The following FAM83G variants were observed in gnomAD, a reference collection of about 807,000 sequenced individuals.
The protein encoded by FAM83G is scaffolding CK1 anchoring protein G.
In FAM83G, 38 loss-of-function variants were observed where a neutral mutation model predicts 61.5. The observed-to-expected ratio is 0.62, with a 90% CI of 0.48 to 0.81. The LOEUF is 0.81. FAM83G is among the 30% of genes least tolerant of loss of function. The probability of loss-of-function intolerance (pLI) is 0.00; values close to 1 mark genes in which losing one functional copy is unlikely to be tolerated. For missense variants in FAM83G, 989 were observed against 1,133.6 expected, an observed-to-expected ratio of 0.87 and a Z score of 1.83; for synonymous variants, 470 against 476.1, an observed-to-expected ratio of 0.99 and a Z score of 0.17.
At chr17:18,994,212 C>T (rs1320378953) in intron 2 of FAM83G, among the ~76,000 whole-genome samples, 5 of 152,184 alleles carry the variant, frequency 3.3e-5, no homozygotes, top group Non-Finnish European at 7.3e-5. Flanking sequence ...AATAAAAAAC[C>T]CGGATAAAAT....
intron 5 of FAM83G, chr17:18,976,579 G>A (rs2152007159): frequency 2.4e-6 from 1 of 421,294 alleles, no homozygotes; most frequent in Non-Finnish European, 4.3e-6. Flanking sequence ...GGGGTGGTGG[G>A]CTGGGCAGGA....
rs2043584645 is a variant in FAM83G, at chr17:18,996,933, G to C, written c.522+6587C>G. Among the ~76,000 whole-genome samples, 1 of 152,214 alleles carries C rather than the reference G, an allele frequency of 6.6e-6. No individual in the cohort carries two copies. Among genetic ancestry groups the C allele is most frequent in the Non-Finnish European group, 1.5e-5 (1 of 68,032 alleles). The stretch of plus-strand genomic sequence containing the variant: ...TCCCTGGCTCTGCCATGCCTTCCCT[G>C]GGTGGCCCATGGCGGGTCACTTCCC... On this transcript the variant is annotated intron_variant, in intron 2 of 5. Transcript: ENST00000388995. The surrounding 1 kb of genome is among the most constrained non-coding windows in gnomAD (Gnocchi z 4.4).
intron 2 of FAM83G, among the ~76,000 whole-genome samples, chr17:18,990,647 C>T (rs1286803699): frequency 6.6e-6 from 1 of 152,234 alleles, no homozygotes; most frequent in African/African-American, 2.4e-5. Context: ...GGACCATCTG[C>T]TGTCAGGTTG....
At chr17:18,993,316 A>G (rs953049159) in intron 2 of FAM83G, among the ~76,000 whole-genome samples, 13 of 152,202 alleles carry the variant, frequency 8.5e-5, no homozygotes, top group African/African-American at 2.2e-4. Context: ...ACTCCAGTGC[A>G]GCCCCAGCCT....
At chr17:18,999,486 T>A (rs1040531078) in intron 2 of FAM83G, among the ~76,000 whole-genome samples, 4 of 152,108 alleles carry the variant, frequency 2.6e-5, no homozygotes, top group Non-Finnish European at 2.9e-5. Flanking sequence ...GGCCAGTTAT[T>A]TGCCATCTCC....
chr17:18,992,822 C>T (rs1042855158), intron 2 of FAM83G, among the ~76,000 whole-genome samples: 1 of 152,056 alleles, frequency 6.6e-6, no homozygotes, highest in African/African-American at 2.4e-5. Flanking sequence ...CCTGTCTGGG[C>T]GGCTAACACA....
rs770355239 is a variant in FAM83G, at chr17:18,976,970, C to A, written c.2082+614G>T. The A allele has an allele frequency of 4.3e-6, 7 of 1,612,790 alleles. No individual in the cohort carries two copies. In the East Asian group the frequency reaches 8.9e-5, roughly 21 times the overall value. On this transcript the variant is annotated intron_variant, in intron 5 of 5. Coordinates refer to ENST00000388995, the MANE Select transcript of FAM83G (RefSeq NM_001039999.3). ...GCCTGATCATCATGCCGGGCATGAT[C>A]AGCCGCGCATTGTTCCCAGGTAGGA...
At chr17:18,991,997 G>A (rs1043447040) in intron 2 of FAM83G, among the ~76,000 whole-genome samples, 1 of 152,164 alleles carries the variant, frequency 6.6e-6, no homozygotes, top group East Asian at 1.9e-4. Flanking sequence ...CTGCACTGGA[G>A]GGAAACACCA....
rs1567783684 is a variant in FAM83G at position 18,969,524 on chromosome 17, T to G, written c.*1835A>C. ...TGCAGGATTCATGCCGTTGGGGTTC[T>G]GGGTAGCATCGCTGGGAGTGGGTGG... On this transcript the variant is annotated 3_prime_UTR_variant, in exon 6 of 6. Transcript: ENST00000388995. The G allele has an allele frequency of 8.7e-7, 1 of 1,145,020 alleles. No homozygotes were observed. 70.9% of individuals were successfully genotyped at this position (1,145,020 alleles called of 1,614,324 possible).
At chr17:18,973,354 A>G (rs1232762562) in intron 5 of FAM83G, among the ~76,000 whole-genome samples, 1 of 152,236 alleles carries the variant, frequency 6.6e-6, no homozygotes, top group East Asian at 1.9e-4. Flanking sequence ...AAGGAGCCCG[A>G]GGCCCAGAGA....
chr17:18,984,830 C>T (rs2043229140), intron 3 of FAM83G, among the ~76,000 whole-genome samples: 1 of 152,236 alleles, frequency 6.6e-6, no homozygotes, highest in Non-Finnish European at 1.5e-5. Flanking sequence ...CTTCCCAAGG[C>T]CTGCTCCCTA....
At chr17:18,979,775 T>C in intron 3 of FAM83G, 102 bp from the exon 4 acceptor site, 1 of 1,346,730 alleles carries the variant, frequency 7.4e-7, no homozygotes, top group South Asian at 1.2e-5. Context: ...GACTCTGGAG[T>C]AGTCAGGAGG....
At position 18,978,833 on chromosome 17, in the gene FAM83G, G is replaced by A. The variant is rs1203196467; in HGVS notation, c.833C>T (p.Ala278Val). ...AGAGATCACATTCCGGTCCGTCCGC[G>A]CGGCCGACCACGTGAAGCTGCAACA... Reference protein sequence around the residue: ...CGSYSFTWSAARTDRNVISVL... With the variant: ...CGSYSFTWSAVRTDRNVISVL... Residue 278 changes from alanine to valine, a missense_variant, in exon 5 of 6, where the codon GCG (alanine) becomes GTG (valine). By Grantham distance (64) the Ala-to-Val change is moderately conservative. Coordinates refer to ENST00000388995, the MANE Select transcript of FAM83G (RefSeq NM_001039999.3). 9.3e-6 allele frequency: 15 copies of A among 1,611,958 alleles called. No individual in the cohort carries two copies. Among genetic ancestry groups the A allele is most frequent in the East Asian group, 2.2e-5 (1 of 44,860 alleles).
rs180965985 is a variant in FAM83G, at chr17:18,969,514, G to A, written c.*1845C>T. ...CCCGGCACTGTGCAGGATTCATGCC[G>A]TTGGGGTTCTGGGTAGCATCGCTGG... On this transcript the variant is annotated 3_prime_UTR_variant, in exon 6 of 6. Coordinates refer to ENST00000388995, the MANE Select transcript of FAM83G (RefSeq NM_001039999.3). 6.0e-5 allele frequency: 75 copies of A among 1,249,842 alleles called. No individual in the cohort carries two copies. The highest frequency in any genetic ancestry group is 4.9e-4 in the African/African-American group (33 of 67,554). The allele number at this position is 1,249,842 out of a possible 1,614,324, so 77.4% of individuals were successfully genotyped here. A position where few individuals can be genotyped will look rare whatever the true frequency, so the allele number is the denominator to read the frequency against.
At chr17:18,976,150 T>G (rs2042971821) in intron 5 of FAM83G, 1 of 130,872 alleles carries the variant, frequency 7.6e-6, no homozygotes, top group African/African-American at 2.9e-5. Flanking sequence ...ATCGCACCAC[T>G]GCACTCCAGC....
Position 18,969,580 on chromosome 17 carries a change from C to T in FAM83G, c.*1779G>A. On this transcript the variant is annotated 3_prime_UTR_variant, in exon 6 of 6. Transcript: ENST00000388995. ...GGAGGTTGAGCCACTAGGCAGTCAGCCCCCCTGCTGGCCCCTCAGGGACTG... is the reference window on the plus strand; with the variant it reads ...GGAGGTTGAGCCACTAGGCAGTCAGTCCCCCTGCTGGCCCCTCAGGGACTG... 6.3e-6 allele frequency: 4 copies of T among 630,832 alleles called. No homozygotes were observed. The highest frequency in any genetic ancestry group is 1.1e-5 in the Non-Finnish European group (4 of 373,738). 39.1% of individuals were successfully genotyped at this position (630,832 alleles called of 1,614,324 possible).
chr17:18,973,511 G>A (rs1375809417), intron 5 of FAM83G, among the ~76,000 whole-genome samples: 2 of 152,134 alleles, frequency 1.3e-5, no homozygotes, highest in African/African-American at 2.4e-5. Flanking sequence ...GCGGGGCCTC[G>A]GTCCAGAAAC....
Position 19,004,133 on chromosome 17 carries a change from C to A in FAM83G, c.-92G>T, listed in dbSNP as rs2043813786. 2 of 1,277,732 alleles carry A rather than the reference C, an allele frequency of 1.6e-6. No individual in the cohort carries two copies. The highest frequency in any genetic ancestry group is 4.9e-5 in the Admixed American group (2 of 40,970). The allele number at this position is 1,277,732 out of a possible 1,614,324, so 79.1% of individuals were successfully genotyped here. A position where few individuals can be genotyped will look rare whatever the true frequency, so the allele number is the denominator to read the frequency against. On this transcript the variant is annotated 5_prime_UTR_variant, in exon 2 of 6. Transcript: ENST00000388995. The surrounding 1 kb of genome is among the most constrained non-coding windows in gnomAD (Gnocchi z 5.4). ...AGCTGGGGCACCGCGCGCTCGGGGGCCTCTCCGCGGCCTCTGCTTCTCTGC... is the reference window on the plus strand; with the variant it reads ...AGCTGGGGCACCGCGCGCTCGGGGGACTCTCCGCGGCCTCTGCTTCTCTGC...
intron 3 of FAM83G, among the ~76,000 whole-genome samples, chr17:18,980,977 TAGTC>T (rs1452376866): frequency 2.0e-5 from 3 of 152,156 alleles, no homozygotes; most frequent in Admixed American, 1.3e-4. Flanking sequence ...GACGTGTTCT[TAGTC>T]AGGCTGAGCT....
Sources: gnomAD v4.1 joint callset for allele counts (sites outside exome capture counted in the v4.1 genomes callset) on GRCh38, gnomAD v4.1.1 for gene constraint, Gnocchi (gnomAD v3.1) non-coding constraint, MANE v1.5 for transcripts, NCBI Gene and HGNC (gene_info 2026-07-23, HGNC 2026-07-21) for gene names.